MMP26: variants seen among roughly 807,000 people sequenced by gnomAD.
The protein encoded by MMP26 is matrix metalloproteinase-26.
A neutral mutation model predicts 31.0 loss-of-function variants in MMP26; 33 were observed. That is an observed-to-expected ratio of 1.06 (90% confidence interval 0.81 to 1.42). The LOEUF is 1.42. MMP26 is among the 40% of genes most tolerant of loss of function. The probability of loss-of-function intolerance (pLI) is 0.00; values close to 1 mark genes in which losing one functional copy is unlikely to be tolerated. For synonymous variants in MMP26, 122 were observed against 114.9 expected (o/e 1.06, Z -0.40); for missense variants, 347 against 316.1 (o/e 1.10, Z -0.74).
chr11:4,854,799 G>A (rs1023988473), intron 2 of MMP26, among the ~76,000 whole-genome samples: 1 of 152,212 alleles, frequency 6.6e-6, no homozygotes, highest in African/African-American at 2.4e-5. Context: ...TAGCCTAACT[G>A]GGAGACATCC....
At chr11:4,916,425 T>C (rs1376120421) in intron 2 of MMP26, among the ~76,000 whole-genome samples, 1 of 151,940 alleles carries the variant, frequency 6.6e-6, no homozygotes, top group Non-Finnish European at 1.5e-5. Flanking sequence ...CTCACATGCC[T>C]TTTTTCTACC....
chr11:4,809,862 G>C (rs748650519), intron 2 of MMP26, among the ~76,000 whole-genome samples: 1 of 152,134 alleles, frequency 6.6e-6, no homozygotes, highest in African/African-American at 2.4e-5. Context: ...AATGCTTTCT[G>C]TGATGGGCAG....
chr11:4,828,635 TTGAA>T lies in MMP26; in HGVS notation c.-145+61299_-145+61302del, dbSNP rs543288480. ...TGGAGGTTTGAATAAAGATTAAAGT[TTGAA>T]TGAACACAACCGTTTAGGGTTATCT... On this transcript the variant is annotated intron_variant, in intron 2 of 7. Transcript: ENST00000380390. Among the ~76,000 whole-genome samples, 289 of 152,232 alleles carry T rather than the reference TTGAA, an allele frequency of 1.9e-3. 2 individuals are homozygous for T. Among genetic ancestry groups the T allele is most frequent in the Middle Eastern group, 3.4e-3 (1 of 294 alleles).
At chr11:4,975,737 C>T (rs548147315) in intron 2 of MMP26, among the ~76,000 whole-genome samples, 1 of 151,982 alleles carries the variant, frequency 6.6e-6, no homozygotes, top group Non-Finnish European at 1.5e-5. Context: ...CATGCTGTTC[C>T]TCCTGTGGAT....
At chr11:4,894,156 A>G (rs1042643378) in intron 2 of MMP26, among the ~76,000 whole-genome samples, 2 of 151,880 alleles carry the variant, frequency 1.3e-5, no homozygotes, top group Non-Finnish European at 2.9e-5. Context: ...GTTAAAAGAG[A>G]AAACAGAAAA....
chr11:4,746,218 A>G (rs1421135777), intron 1 of MMP26, among the ~76,000 whole-genome samples: 1 of 152,102 alleles, frequency 6.6e-6, no homozygotes, highest in Non-Finnish European at 1.5e-5. Flanking sequence ...AGTGATTTCT[A>G]TCATTTTAGT....
intron 1 of MMP26, chr11:4,723,361 C>A (rs563476581): frequency 2.4e-5 from 23 of 969,272 alleles, no homozygotes; most frequent in Non-Finnish European, 3.8e-5. Flanking sequence ...AGCCTCCGCC[C>A]GGCTGCGGTT....
At chr11:4,956,284 T>C (rs1442874886) in intron 2 of MMP26, among the ~76,000 whole-genome samples, 1 of 152,234 alleles carries the variant, frequency 6.6e-6, no homozygotes, top group South Asian at 2.1e-4. Flanking sequence ...ACTGCTCTTA[T>C]TCACTTTTAC....
At chr11:4,726,293 G>A (rs1229238789) in intron 1 of MMP26, among the ~76,000 whole-genome samples, 4 of 151,886 alleles carry the variant, frequency 2.6e-5, no homozygotes, top group Admixed American at 1.3e-4. Flanking sequence ...GTGAAACTCA[G>A]GCTCTACTAA....
chr11:4,981,327 T>C (rs1846810702), intron 2 of MMP26, among the ~76,000 whole-genome samples: 1 of 152,108 alleles, frequency 6.6e-6, no homozygotes, highest in Non-Finnish European at 1.5e-5. Flanking sequence ...GTAGAGTGTA[T>C]TTACACAAAC....
intron 2 of MMP26, among the ~76,000 whole-genome samples, chr11:4,870,868 T>C (rs1316906738): frequency 2.0e-5 from 3 of 152,240 alleles, no homozygotes; most frequent in South Asian, 2.1e-4. Context: ...TATACACTTG[T>C]AGTTAATCAG....
chr11:4,867,267 G>A (rs976196355), intron 2 of MMP26, among the ~76,000 whole-genome samples: 9 of 151,908 alleles, frequency 5.9e-5, no homozygotes, highest in African/African-American at 1.9e-4. Flanking sequence ...TTAAAAAGTG[G>A]GCAAAGGACA....
chr11:4,807,061 A>T (rs1214830427), intron 2 of MMP26, among the ~76,000 whole-genome samples: 1 of 152,206 alleles, frequency 6.6e-6, no homozygotes, highest in Non-Finnish European at 1.5e-5. Flanking sequence ...TAAAATTTAA[A>T]AAATAAATAA....
At chr11:4,835,177 C>T (rs1465960785) in intron 2 of MMP26, among the ~76,000 whole-genome samples, 1 of 148,458 alleles carries the variant, frequency 6.7e-6, no homozygotes, top group South Asian at 2.1e-4. Flanking sequence ...TCCCTCCCCC[C>T]TCTCTCTCTC....
chr11:4,737,911 C>T (rs1293346481), intron 1 of MMP26, among the ~76,000 whole-genome samples: 1 of 152,152 alleles, frequency 6.6e-6, no homozygotes, highest in East Asian at 1.9e-4. Context: ...TGGCTCACTG[C>T]TTTCTCAAAC....
chr11:4,796,572 T>C (rs569846090), intron 2 of MMP26, among the ~76,000 whole-genome samples: 4 of 152,190 alleles, frequency 2.6e-5, no homozygotes, highest in Non-Finnish European at 5.9e-5. Flanking sequence ...CAAGAAGGAA[T>C]TCATAAATAT....
chr11:4,772,387 T>A (rs186292899), intron 2 of MMP26, among the ~76,000 whole-genome samples: 12 of 151,352 alleles, frequency 7.9e-5, no homozygotes, highest in African/African-American at 2.4e-4. Flanking sequence ...ATCATTATGG[T>A]CACAATAAAG....
At chr11:4,742,963 A>G (rs960346994) in intron 1 of MMP26, among the ~76,000 whole-genome samples, 2 of 152,198 alleles carry the variant, frequency 1.3e-5, no homozygotes, top group Non-Finnish European at 2.9e-5. Flanking sequence ...GCACTCTTTC[A>G]TCTATTGAAA....
Position 4,759,812 on chromosome 11 carries a change from G to A in MMP26, c.-216-7458G>A, listed in dbSNP as rs138060736. On this transcript the variant is annotated intron_variant, in intron 1 of 7. Transcript: ENST00000380390. ...CCAGTTTGCACATGCGTTGTTTCTC[G>A]TCATCTCTAGAATGCACAAAAGAGG... 1.6e-3 allele frequency among the ~76,000 whole-genome samples: 246 copies of A among 152,238 alleles called. 4 individuals are homozygous for A. The highest frequency in any genetic ancestry group is 5.5e-3 in the African/African-American group (228 of 41,550).
Sources: allele counts gnomAD v4.1 joint callset (sites outside exome capture counted in the v4.1 genomes callset), GRCh38; gene constraint gnomAD v4.1.1; transcripts MANE v1.5; gene names NCBI Gene and HGNC (gene_info 2026-07-23, HGNC 2026-07-21).